The following DMGDH variants were observed in gnomAD, a reference collection of about 807,000 sequenced individuals.
DMGDH encodes the protein dimethylglycine dehydrogenase, mitochondrial.
DMGDH carries 76 observed loss-of-function variants against 95.2 expected under a neutral mutation model. The observed-to-expected ratio is 0.80, with a 90% confidence interval of 0.66 to 0.97. The LOEUF is 0.97. Among genes scored for constraint, DMGDH ranks in the 50% least tolerant of loss-of-function variants. The pLI is 0.00. For missense variants in DMGDH, 987 were observed against 1,055.0 expected (o/e 0.94, Z 0.89); for synonymous variants, 345 against 377.6 (o/e 0.91, Z 1.00).
At chr5:79,019,695 G>A (rs1347682076) in intron 14 of DMGDH, among the ~76,000 whole-genome samples, 5 of 152,114 alleles carry the variant, frequency 3.3e-5, no homozygotes, top group Non-Finnish European at 7.4e-5. Flanking sequence ...GACCAACCTG[G>A]CCAACAAGGT....
At chr5:78,999,535 G>T (rs886351809) in intron 15 of DMGDH, among the ~76,000 whole-genome samples, 2 of 150,778 alleles carry the variant, frequency 1.3e-5, no homozygotes, top group African/African-American at 2.4e-5. Context: ...GGGTTTCACC[G>T]TGTTAGCCAG....
chr5:79,050,160 G>C (rs111835141), intron 5 of DMGDH, among the ~76,000 whole-genome samples: 1 of 149,296 alleles, frequency 6.7e-6, no homozygotes, highest in Non-Finnish European at 1.5e-5. Context: ...AGGAGGCCGA[G>C]GCAGGAGAAT....
At chr5:79,050,028 G>C (rs11951916) in intron 5 of DMGDH, among the ~76,000 whole-genome samples, 1 of 151,640 alleles carries the variant, frequency 6.6e-6, no homozygotes, top group African/African-American at 2.4e-5. Context: ...AGGCCGAGGC[G>C]GGTAGATCAC....
intron 4 of DMGDH, among the ~76,000 whole-genome samples, chr5:79,053,302 T>A (rs1754921006): frequency 6.6e-6 from 1 of 152,060 alleles, no homozygotes; most frequent in African/African-American, 2.4e-5. Context: ...ACAGACGGAA[T>A]CCTACTACCC....
chr5:79,001,014 AT>A, intron 15 of DMGDH: 2 of 700,626 alleles, frequency 2.9e-6, no homozygotes, highest in South Asian at 1.7e-5. Context: ...AATACAAAAT[AT>A]TTTGGCACAG....
intron 12 of DMGDH, 26 bp from the exon 13 acceptor site, chr5:79,026,607 G>C (rs774020576): frequency 6.2e-7 from 1 of 1,613,920 alleles, no homozygotes; most frequent in Admixed American, 1.7e-5. Context: ...AGGTGCCACA[G>C]CAGGGCAAGA....
At chr5:79,000,741 C>A in intron 15 of DMGDH, 1 of 626,648 alleles carries the variant, frequency 1.6e-6, no homozygotes, top group South Asian at 1.6e-5. Context: ...CACCAATATT[C>A]TGTCATTTTC....
intron 1 of DMGDH, among the ~76,000 whole-genome samples, chr5:79,065,009 C>T (rs1247609148): frequency 6.6e-6 from 1 of 152,028 alleles, no homozygotes; most frequent in African/African-American, 2.4e-5. Context: ...CTTGGCCTCC[C>T]AGAGTGCTGG....
chr5:79,069,445 T>C, intron 1 of DMGDH, 75 bp downstream of exon 1: 1 of 902,980 alleles, frequency 1.1e-6, no homozygotes, highest in Non-Finnish European at 1.5e-6. Flanking sequence ...TCCTAACCCC[T>C]GAGCCTGCCT....
At chr5:79,033,087 A>G in intron 8 of DMGDH, 152 bp downstream of exon 8, 1 of 998,250 alleles carries the variant, frequency 1.0e-6, no homozygotes, top group Admixed American at 2.1e-5. Context: ...ATACATCCAT[A>G]TATATTCCTT....
At chr5:79,062,384 C>T (rs910153248) in intron 2 of DMGDH, among the ~76,000 whole-genome samples, 6 of 150,090 alleles carry the variant, frequency 4.0e-5, no homozygotes, top group Non-Finnish European at 5.9e-5. Context: ...CCTTTTCATG[C>T]TAGACTCTCC....
chr5:79,028,153 T>TA (rs34210037), intron 12 of DMGDH, among the ~76,000 whole-genome samples: 118 of 152,016 alleles, frequency 7.8e-4, no homozygotes, highest in Non-Finnish European at 1.5e-3. Flanking sequence ...ACTTTTTTTT[T>TA]ATCTGCCCTT....
chr5:79,048,566 T>C (rs1162346091), intron 5 of DMGDH, among the ~76,000 whole-genome samples: 1 of 152,102 alleles, frequency 6.6e-6, no homozygotes, highest in Non-Finnish European at 1.5e-5. Flanking sequence ...AGCCACACAC[T>C]CTCCACTCAT....
intron 5 of DMGDH, 134 bp from the exon 6 acceptor site, chr5:79,044,686 C>T (rs1754618998): frequency 9.5e-7 from 1 of 1,053,964 alleles, no homozygotes; most frequent in Non-Finnish European, 1.4e-6. Context: ...AATGTCATAA[C>T]AATCTAAACT....
chr5:79,051,223 C>A (rs779780389), intron 5 of DMGDH, 64 bp downstream of exon 5: 1 of 1,516,838 alleles, frequency 6.6e-7, no homozygotes. Context: ...CGAAACATTA[C>A]GGCTAAATAT....
intron 11 of DMGDH, among the ~76,000 whole-genome samples, chr5:79,028,924 C>A (rs2112623667): frequency 6.6e-6 from 1 of 152,274 alleles, no homozygotes; most frequent in East Asian, 1.9e-4. Context: ...CCACACAATT[C>A]TTTTAAATAG....
intron 15 of DMGDH, among the ~76,000 whole-genome samples, chr5:78,999,956 AAATCACTTTTGGAAATTTCAC>A (rs1753426330): frequency 6.6e-6 from 1 of 152,112 alleles, no homozygotes; most frequent in African/African-American, 2.4e-5. Flanking sequence ...AGAGACTAGA[AAATCACTTTTGGAAATTTCAC>A]AATCACCAAT....
At chr5:79,069,497 G>C (rs764366356) in intron 1 of DMGDH, 23 bp downstream of exon 1, 508 of 1,251,678 alleles carry the variant, frequency 4.1e-4, no homozygotes, top group Non-Finnish European at 4.8e-4. Context: ...CGTCGCCTCT[G>C]AGCAGGACGG....
intron 14 of DMGDH, among the ~76,000 whole-genome samples, chr5:79,006,972 G>A (rs2112600917): frequency 6.6e-6 from 1 of 152,198 alleles, no homozygotes; most frequent in East Asian, 1.9e-4. Flanking sequence ...GTTTCCATTA[G>A]CCGAGGTTAA....
Sources: gnomAD v4.1 joint callset for allele counts (sites outside exome capture counted in the v4.1 genomes callset) on GRCh38, gnomAD v4.1.1 for gene constraint, MANE v1.5 for transcripts, NCBI Gene and HGNC (gene_info 2026-07-23, HGNC 2026-07-21) for gene names.